Variants in NOMO1 observed in about 807,000 individuals in gnomAD.
NOMO1 encodes the protein nodal modulator 3.
Under a neutral mutation model 133.8 loss-of-function variants are expected in NOMO1, and 40 were observed. The ratio of observed to expected loss-of-function variants is 0.30; its 90% CI spans 0.23 to 0.39. The LOEUF (loss-of-function observed/expected upper bound fraction) is 0.39, where lower values mean the gene tolerates loss of function less well. NOMO1 is among the 10% of genes least tolerant of loss of function. The probability of loss-of-function intolerance (pLI) is 1.00; values close to 1 mark genes in which losing one functional copy is unlikely to be tolerated. For missense variants in NOMO1, 462 were observed against 1,419.9 expected (o/e 0.33, Z 10.84); for synonymous variants, 236 against 570.5 (o/e 0.41, Z 8.36).
intron 3 of NOMO1, among the ~76,000 whole-genome samples, chr16:14,842,888 T>C (rs964101612): frequency 8.6e-5 from 13 of 150,602 alleles, no homozygotes; most frequent in Admixed American, 4.6e-4. Context: ...GATGCATAAA[T>C]ATAAAATTAT....
intron 1 of NOMO1, among the ~76,000 whole-genome samples, chr16:14,837,982 GACCTTA>G (rs1468537132): frequency 7.6e-6 from 1 of 132,398 alleles, no homozygotes; most frequent in African/African-American, 2.9e-5. Context: ...TCAAATTCCT[GACCTTA>G]AGTGATCTGC....
chr16:14,853,404 T>C, intron 7 of NOMO1, 63 bp from the exon 8 acceptor site: 2 of 1,328,454 alleles, frequency 1.5e-6, no homozygotes, highest in Non-Finnish European at 2.0e-6. Context: ...ATGTGGCTAA[T>C]TGATGGTATT....
intron 1 of NOMO1, among the ~76,000 whole-genome samples, chr16:14,837,122 GTCC>G (rs1447296780): frequency 2.0e-5 from 3 of 151,926 alleles, no homozygotes; most frequent in South Asian, 2.1e-4. Context: ...GCCTCAAGCA[GTCC>G]TCCTGCCTCG....
At chr16:14,874,084 C>T (rs370196805) in intron 18 of NOMO1, among the ~76,000 whole-genome samples, 2 of 43,352 alleles carry the variant, frequency 4.6e-5, no homozygotes. Context: ...CTTCTTACCA[C>T]GTGGCCCTCA....
At chr16:14,860,836 A>G (rs1963913517) in intron 11 of NOMO1, among the ~76,000 whole-genome samples, 1 of 151,846 alleles carries the variant, frequency 6.6e-6, no homozygotes, top group African/African-American at 2.4e-5. Context: ...GCACACTGAT[A>G]CTTCTTACTA....
At chr16:14,858,647 G>A (rs1323137605) in intron 11 of NOMO1, among the ~76,000 whole-genome samples, 2 of 152,110 alleles carry the variant, frequency 1.3e-5, no homozygotes, top group African/African-American at 2.4e-5. Context: ...AGGTGATGAT[G>A]AGGCCAACCC....
In NOMO1 at chr16:14,857,532, G is replaced by A. The variant is rs137963033; in HGVS notation, c.1097G>A (p.Arg366His). The A allele has an allele frequency of 1.9e-3, 3,041 of 1,610,118 alleles. 20 individuals carry two copies. Among genetic ancestry groups the A allele is most frequent in the South Asian group, 3.0e-3 (268 of 90,832 alleles). The change falls in exon 11 of 31, where the codon CGC becomes CAC. Residue 366 changes from arginine to histidine, a missense_variant. Coordinates refer to ENST00000287667, the MANE Select transcript of NOMO1 (RefSeq NM_014287.4). Reference protein sequence around the residue: ...KVKTKADGSFRLENITTGTYT... With the variant: ...KVKTKADGSFHLENITTGTYT... ...AAAACAAAAGCTGATGGCTCATTCC[G>A]CCTTGAGAACATAACCACAGGGACA...
At chr16:14,834,615 T>C (rs1963475308) in intron 1 of NOMO1, among the ~76,000 whole-genome samples, 1 of 148,430 alleles carries the variant, frequency 6.7e-6, no homozygotes, top group Non-Finnish European at 1.5e-5. Context: ...CTTCTGAAAA[T>C]GGAGAGTTGC....
At chr16:14,867,876 C>T (rs1328913429) in intron 15 of NOMO1, among the ~76,000 whole-genome samples, 2 of 140,046 alleles carry the variant, frequency 1.4e-5, no homozygotes, top group Admixed American at 1.4e-4. Context: ...GGATTTCCAG[C>T]TCTCTTGTAA....
At chr16:14,866,250 G>A (rs1313641750) in intron 14 of NOMO1, among the ~76,000 whole-genome samples, 1 of 149,190 alleles carries the variant, frequency 6.7e-6, no homozygotes, top group African/African-American at 2.5e-5. Flanking sequence ...AGTAGAGATG[G>A]GGTTTTGCTA....
At chr16:14,853,663 C>T in intron 8 of NOMO1, 59 bp downstream of exon 8, 1 of 1,611,122 alleles carries the variant, frequency 6.2e-7, no homozygotes, top group Non-Finnish European at 8.5e-7. Flanking sequence ...ACAGTAAAAG[C>T]CAATGCTGTT....
Position 14,882,781 on chromosome 16 carries a change from A to G in NOMO1, c.3111+104A>G, listed in dbSNP as rs560793665. 8.9e-5 allele frequency: 140 copies of G among 1,578,042 alleles called. 2 individuals are homozygous for G. The highest frequency in any genetic ancestry group is 4.7e-4 in the Middle Eastern group (2 of 4,292). ...CTGCCTTTCATCTGTGGCGGGGGGA[A>G]CTTTCATCCTAATTAAGGGTCCTCT... On this transcript the variant is annotated intron_variant, in intron 26 of 30. Transcript: ENST00000287667.
chr16:14,880,833 G>A (rs1165510848), intron 24 of NOMO1, among the ~76,000 whole-genome samples: 2 of 150,774 alleles, frequency 1.3e-5, no homozygotes, highest in Non-Finnish European at 3.0e-5. Flanking sequence ...CCTCTTCTGG[G>A]AGACAACCAG....
intron 13 of NOMO1, 121 bp downstream of exon 13, chr16:14,864,847 A>G (rs1470996200): frequency 4.7e-6 from 7 of 1,489,096 alleles, no homozygotes; most frequent in Non-Finnish European, 6.5e-6. Flanking sequence ...CGTGCGAGGG[A>G]GGCTTCTTGG....
Position 14,874,411 on chromosome 16 carries a change from T to G in NOMO1, c.2055-625T>G, listed in dbSNP as rs928676021. Among the ~76,000 whole-genome samples, 285 of 151,548 alleles carry G rather than the reference T, an allele frequency of 1.9e-3. 2 individuals carry two copies. The highest frequency in any genetic ancestry group is 3.4e-3 in the Middle Eastern group (1 of 294). ...AGGACTTTGCACTTGGCATCGCTTT[T>G]CCCAAGCTACTGTTTACCCAGAGAG... is the stretch of plus-strand genomic sequence containing the variant. On this transcript the variant is annotated intron_variant, in intron 18 of 30. Coordinates refer to ENST00000287667, the MANE Select transcript of NOMO1 (RefSeq NM_014287.4).
In NOMO1 at chr16:14,857,220, G is replaced by A. The variant is rs374612573; in HGVS notation, c.967G>A (p.Val323Met). ...VEHDSLKIEP[V>M]FHVMGFSVTG... ...CTTCTTGTTCTTTGTTTTCTAGCCC[G>A]TGTTCCACGTCATGGGATTCTCCGT... The change falls in exon 10 of 31, where the codon GTG (valine) becomes ATG (methionine). Residue 323 changes from valine to methionine, a missense_variant. By Grantham distance (21) the Val-to-Met change is conservative. Coordinates refer to ENST00000287667, the MANE Select transcript of NOMO1 (RefSeq NM_014287.4). 2.8e-4 allele frequency: 436 copies of A among 1,565,818 alleles called. 1 individual carries two copies. Among genetic ancestry groups the A allele is most frequent in the Non-Finnish European group, 3.3e-4 (376 of 1,139,682 alleles).
chr16:14,878,112 A>G (rs1396970034), intron 22 of NOMO1, among the ~76,000 whole-genome samples: 2 of 151,628 alleles, frequency 1.3e-5, no homozygotes, highest in Non-Finnish European at 2.9e-5. Context: ...ATAACATGCC[A>G]TTTTTATTTC....
intron 29 of NOMO1, among the ~76,000 whole-genome samples, chr16:14,889,537 GA>G (rs906719747): frequency 1.3e-5 from 2 of 149,896 alleles, no homozygotes; most frequent in Admixed American, 6.6e-5. Flanking sequence ...TTCTCCAGAA[GA>G]AAAAAAACAA....
At position 14,871,659 on chromosome 16, in the gene NOMO1, G is replaced by GAGCA. The variant is rs1964083427; in HGVS notation, c.1937_1940dup (p.Phe648SerfsTer6). On this transcript the variant is annotated frameshift_variant, in exon 17 of 31. Transcript: ENST00000287667. LOFTEE classifies it high-confidence loss of function. ...GACCCCTCGCTCCTGCCACCGGTTT[G>GAGCA]AGCAAGCGTTCTACACCTATGACAC... The GAGCA allele has an allele frequency of 6.2e-7, 1 of 1,609,844 alleles. No homozygotes were observed. The highest frequency in any genetic ancestry group is 1.3e-5 in the African/African-American group (1 of 74,194).
Sources: gnomAD v4.1 joint callset for allele counts (sites outside exome capture counted in the v4.1 genomes callset) on GRCh38, gnomAD v4.1.1 for gene constraint, MANE v1.5 for transcripts, NCBI Gene and HGNC (gene_info 2026-07-23, HGNC 2026-07-21) for gene names.